CADM2: variants seen among roughly 807,000 people sequenced by gnomAD.
CADM2 encodes cell adhesion molecule 2, also known as immunoglobulin superfamily member 4D.
In CADM2, 12 loss-of-function variants were observed where a neutral mutation model predicts 49.8. That is an observed-to-expected ratio of 0.24 (90% confidence interval 0.15 to 0.39). The LOEUF is 0.39. Among genes scored for constraint, CADM2 ranks in the 10% least tolerant of loss-of-function variants. The pLI, the probability that CADM2 is intolerant of heterozygous loss-of-function variation, is 1.00. For synonymous variants in CADM2, 214 were observed against 175.4 expected, an observed-to-expected ratio of 1.22 and a Z score of -1.74; for missense variants, 378 against 492.3, an observed-to-expected ratio of 0.77 and a Z score of 2.20.
At chr3:85,713,443 C>G (rs760477596) in intron 1 of CADM2, among the ~76,000 whole-genome samples, 1 of 152,104 alleles carries the variant, frequency 6.6e-6, no homozygotes. Context: ...AGCCACCGTG[C>G]CTAGCCTAAA....
At chr3:85,886,150 T>C (rs1382096315) in intron 4 of CADM2, 40 bp from the exon 5 acceptor site, 4 of 1,606,738 alleles carry the variant, frequency 2.5e-6, no homozygotes, top group Non-Finnish European at 3.4e-6. Context: ...AAATCAACCC[T>C]GAAGATTGAT....
intron 1 of CADM2, among the ~76,000 whole-genome samples, chr3:85,065,284 A>T (rs989931759): frequency 3.9e-5 from 6 of 152,112 alleles, no homozygotes; most frequent in Non-Finnish European, 7.4e-5. Context: ...TTTCTTAAAA[A>T]ACAATTATTT....
At chr3:86,022,097 C>T (rs1733270007) in intron 8 of CADM2, among the ~76,000 whole-genome samples, 2 of 151,960 alleles carry the variant, frequency 1.3e-5, no homozygotes, top group Non-Finnish European at 2.9e-5. Context: ...TGTTGTATAC[C>T]TTAATTATAC....
chr3:85,551,968 G>A (rs1452657432), intron 1 of CADM2, among the ~76,000 whole-genome samples: 2 of 151,586 alleles, frequency 1.3e-5, no homozygotes, highest in Non-Finnish European at 2.9e-5. Context: ...ATATTTTTGT[G>A]ATTATATACA....
At chr3:85,363,776 T>A (rs2107289504) in intron 1 of CADM2, among the ~76,000 whole-genome samples, 1 of 149,332 alleles carries the variant, frequency 6.7e-6, no homozygotes, top group Non-Finnish European at 1.5e-5. Context: ...CGCGCCCGGC[T>A]AATTTTTTGT....
intron 1 of CADM2, among the ~76,000 whole-genome samples, chr3:84,960,687 T>C (rs2030425048): frequency 6.6e-6 from 1 of 152,176 alleles, no homozygotes; most frequent in Non-Finnish European, 1.5e-5. Flanking sequence ...TGCAAATCAC[T>C]GGGTTTGGAT....
At chr3:85,483,057 C>G (rs1278241536) in intron 1 of CADM2, among the ~76,000 whole-genome samples, 1 of 151,420 alleles carries the variant, frequency 6.6e-6, no homozygotes, top group Non-Finnish European at 1.5e-5. Flanking sequence ...CTGCATTTCT[C>G]AAAACATAAC....
chr3:85,962,170 C>T (rs569942258), intron 8 of CADM2, among the ~76,000 whole-genome samples: 4 of 152,016 alleles, frequency 2.6e-5, no homozygotes, highest in East Asian at 2.0e-4. Flanking sequence ...CAGCCTGCCT[C>T]GGCTTCCCAA....
intron 2 of CADM2, among the ~76,000 whole-genome samples, chr3:85,748,208 T>G (rs569612909): frequency 6.6e-6 from 1 of 152,158 alleles, no homozygotes; most frequent in East Asian, 1.9e-4. Context: ...CTTCCAGACA[T>G]CAAAGCCTTT....
At chr3:85,333,247 AC>A (rs1203797162) in intron 1 of CADM2, among the ~76,000 whole-genome samples, 1 of 151,838 alleles carries the variant, frequency 6.6e-6, no homozygotes, top group Non-Finnish European at 1.5e-5. Flanking sequence ...TAATAGTGAT[AC>A]ATATAAAAGT....
At chr3:85,912,683 A>T in intron 6 of CADM2, 140 bp downstream of exon 6, 2 of 739,086 alleles carry the variant, frequency 2.7e-6, no homozygotes, top group Non-Finnish European at 4.4e-6. Flanking sequence ...TACATTCACT[A>T]GTATTAATCA....
intron 3 of CADM2, among the ~76,000 whole-genome samples, chr3:85,829,586 C>T (rs2074089588): frequency 6.6e-6 from 1 of 151,888 alleles, no homozygotes; most frequent in South Asian, 2.1e-4. Flanking sequence ...TTAACACATC[C>T]ATTTCCACCC....
intron 6 of CADM2, among the ~76,000 whole-genome samples, chr3:85,933,948 T>C: frequency 6.6e-6 from 1 of 152,084 alleles, no homozygotes; most frequent in Admixed American, 6.6e-5. Context: ...CTCTACTCAG[T>C]CTACCAACTT....
At chr3:85,346,017 T>A (rs2030605434) in intron 1 of CADM2, among the ~76,000 whole-genome samples, 1 of 152,196 alleles carries the variant, frequency 6.6e-6, no homozygotes. Context: ...ATTAAGAGCA[T>A]ATAAGAGTTT....
At chr3:85,839,482 A>AT (rs11303748) in intron 3 of CADM2, among the ~76,000 whole-genome samples, 2 of 151,250 alleles carry the variant, frequency 1.3e-5, no homozygotes, top group African/African-American at 2.4e-5. Flanking sequence ...ATTCTTTGCC[A>AT]TTTTTTTTGG....
chr3:85,304,640 T>C (rs2044172822), intron 1 of CADM2, among the ~76,000 whole-genome samples: 1 of 151,862 alleles, frequency 6.6e-6, no homozygotes, highest in Non-Finnish European at 1.5e-5. Flanking sequence ...CACCTTTCTT[T>C]TGACTGGACA....
At chr3:85,628,574 T>C (rs1414647952) in intron 1 of CADM2, among the ~76,000 whole-genome samples, 1 of 13,830 alleles carries the variant, frequency 7.2e-5, no homozygotes, top group African/African-American at 7.4e-4. Context: ...TATACATATA[T>C]ACACACACAT....
At chr3:85,315,803 T>A (rs72921364) in intron 1 of CADM2, among the ~76,000 whole-genome samples, 5,459 of 152,218 alleles carry the variant, frequency 0.036, 348 homozygotes, top group African/African-American at 0.12. Context: ...TTTTGGATTT[T>A]GGAAATACTT....
At chr3:85,768,100 T>C (rs2069757685) in intron 2 of CADM2, among the ~76,000 whole-genome samples, 1 of 152,192 alleles carries the variant, frequency 6.6e-6, no homozygotes, top group Non-Finnish European at 1.5e-5. Context: ...TTAATTCCTT[T>C]ACCATAAGTT....
Sources: allele counts gnomAD v4.1 joint callset (sites outside exome capture counted in the v4.1 genomes callset), GRCh38; gene constraint gnomAD v4.1.1; transcripts MANE v1.5; gene names NCBI Gene and HGNC (gene_info 2026-07-23, HGNC 2026-07-21).